Variants in LRRC4C observed in about 807,000 individuals in gnomAD.
The protein encoded by LRRC4C is leucine rich repeat containing 4C.
A neutral mutation model predicts 33.6 loss-of-function variants in LRRC4C; 5 were observed. The ratio of observed to expected loss-of-function variants is 0.15; its 90% CI spans 0.08 to 0.31. The LOEUF is 0.31. LRRC4C is among the 10% of genes least tolerant of loss of function. The probability of loss-of-function intolerance (pLI) is 1.00; values close to 1 mark genes in which losing one functional copy is unlikely to be tolerated. For missense variants in LRRC4C, 560 were observed against 796.7 expected (o/e 0.70, Z 3.58); for synonymous variants, 329 against 302.0 (o/e 1.09, Z -0.93).
At chr11:40,542,052 C>CTT (rs112421824) in intron 3 of LRRC4C, among the ~76,000 whole-genome samples, 28 of 149,376 alleles carry the variant, frequency 1.9e-4, no homozygotes, top group African/African-American at 6.1e-4. Context: ...TTCTCTTTCT[C>CTT]TCTTTCTTTC....
chr11:41,078,111 G>T (rs935362714), intron 1 of LRRC4C, among the ~76,000 whole-genome samples: 1 of 152,254 alleles, frequency 6.6e-6, no homozygotes, highest in African/African-American at 2.4e-5. Flanking sequence ...CCTCAGCCTG[G>T]ACTTTATTTT....
intron 3 of LRRC4C, chr11:40,351,475 C>T (rs1359650076): frequency 2.6e-5 from 4 of 152,038 alleles, no homozygotes; most frequent in African/African-American, 9.7e-5. Flanking sequence ...TCTGGACGAT[C>T]TGTCCAATAG....
At chr11:40,354,011 T>G (rs1290329616) in intron 3 of LRRC4C, among the ~76,000 whole-genome samples, 2 of 152,132 alleles carry the variant, frequency 1.3e-5, no homozygotes, top group Non-Finnish European at 2.9e-5. Context: ...TTCCAAGTAT[T>G]CAAAGGTACT....
At chr11:40,834,907 G>GACACACACACACACAC (rs778150169) in intron 2 of LRRC4C, among the ~76,000 whole-genome samples, 1 of 45,206 alleles carries the variant, frequency 2.2e-5, no homozygotes, top group African/African-American at 4.9e-5. Context: ...CAGACAGACA[G>GACACACACACACACAC]ACAGACACAC....
At chr11:40,862,744 C>T (rs944179407) in intron 2 of LRRC4C, among the ~76,000 whole-genome samples, 3 of 151,990 alleles carry the variant, frequency 2.0e-5, no homozygotes, top group Admixed American at 6.6e-5. Flanking sequence ...TCACCTAGAC[C>T]CACAATTTTA....
At chr11:40,328,217 C>A (rs540829628) in intron 3 of LRRC4C, among the ~76,000 whole-genome samples, 2 of 152,202 alleles carry the variant, frequency 1.3e-5, no homozygotes, top group South Asian at 4.1e-4. Flanking sequence ...GTATTTTTAT[C>A]TAAAGTGGAG....
chr11:40,506,005 T>C (rs149467774), intron 3 of LRRC4C, among the ~76,000 whole-genome samples: 2,710 of 152,268 alleles, frequency 0.018, 45 homozygotes, highest in South Asian at 0.034. Context: ...TAACATATTG[T>C]TACATAGTGA....
At chr11:40,521,652 T>C (rs1955818549) in intron 3 of LRRC4C, among the ~76,000 whole-genome samples, 1 of 151,980 alleles carries the variant, frequency 6.6e-6, no homozygotes, top group East Asian at 1.9e-4. Context: ...GGGTGGATCA[T>C]GAGGTCAAGA....
chr11:41,037,988 G>A (rs986103283), intron 1 of LRRC4C, among the ~76,000 whole-genome samples: 2 of 152,172 alleles, frequency 1.3e-5, no homozygotes, highest in African/African-American at 2.4e-5. Flanking sequence ...CAACACTGAC[G>A]AAAACGTCCA....
At chr11:40,653,486 C>A (rs1427443530) in intron 2 of LRRC4C, among the ~76,000 whole-genome samples, 1 of 152,120 alleles carries the variant, frequency 6.6e-6, no homozygotes, top group East Asian at 1.9e-4. Flanking sequence ...GAACTTTGAA[C>A]TTGAGAGAGA....
At chr11:40,499,609 T>C (rs1954642050) in intron 3 of LRRC4C, among the ~76,000 whole-genome samples, 1 of 152,188 alleles carries the variant, frequency 6.6e-6, no homozygotes, top group South Asian at 2.1e-4. Flanking sequence ...AATCAATGTA[T>C]TGATGATTAT....
At chr11:40,949,045 T>G (rs1958564968) in intron 1 of LRRC4C, among the ~76,000 whole-genome samples, 1 of 152,132 alleles carries the variant, frequency 6.6e-6, no homozygotes, top group Admixed American at 6.6e-5. Flanking sequence ...TCCTGACTTT[T>G]TAATGATTGC....
chr11:40,674,023 A>G lies in LRRC4C; in HGVS notation c.-406-25745T>C, dbSNP rs74567239. Among the ~76,000 whole-genome samples the G allele has an allele frequency of 6.9e-3, 1,055 of 152,292 alleles. 15 individuals are homozygous for G. Among genetic ancestry groups the G allele is most frequent in the African/African-American group, 0.025 (1,025 of 41,566 alleles). On this transcript the variant is annotated intron_variant, in intron 2 of 6. Transcript: ENST00000528697. ...GCTCAGTCATCATCTAGGCTGCCAT[A>G]AGGCATTACCCCAGCATATCTCTGG...
At chr11:41,335,995 A>G (rs1290040097) in intron 1 of LRRC4C, among the ~76,000 whole-genome samples, 3 of 152,304 alleles carry the variant, frequency 2.0e-5, no homozygotes, top group South Asian at 2.1e-4. Flanking sequence ...AGACCCATTT[A>G]TTTATGGAGC....
chr11:40,382,769 C>T (rs1948941185), intron 3 of LRRC4C, among the ~76,000 whole-genome samples: 1 of 141,128 alleles, frequency 7.1e-6, no homozygotes, highest in South Asian at 2.3e-4. Context: ...TCTCCGCTCA[C>T]TGCAAGCTCC....
intron 2 of LRRC4C, among the ~76,000 whole-genome samples, chr11:40,771,309 T>G (rs1212384725): frequency 6.6e-6 from 1 of 152,170 alleles, no homozygotes; most frequent in Non-Finnish European, 1.5e-5. Flanking sequence ...TTGGCCCATT[T>G]TAGCCATGGC....
chr11:41,117,967 A>G (rs1487079), intron 1 of LRRC4C, among the ~76,000 whole-genome samples: 142,092 of 152,138 alleles, frequency 0.93, 67,153 homozygotes, highest in East Asian at 1. Flanking sequence ...GTAAAGGTGA[A>G]CATTTAAATG....
chr11:40,495,813 G>GTTTTTTTTTTTTTTTTTTTTT lies in LRRC4C; in HGVS notation c.-270+152308_-270+152328dup, dbSNP rs77683172. ...TTTTATTGAAGTTCTCAATAAACAT[G>GTTTTTTTTTTTTTTTTTTTTT]TTTTTTTTTTTTTTTTTTTTTTTTT... On this transcript the variant is annotated intron_variant, in intron 3 of 6. Coordinates refer to ENST00000528697, the MANE Select transcript of LRRC4C (RefSeq NM_001258419.2). 9.0e-5 allele frequency among the ~76,000 whole-genome samples: 6 copies of GTTTTTTTTTTTTTTTTTTTTT among 67,012 alleles called. 1 individual carries two copies. The highest frequency in any genetic ancestry group is 1.3e-4 in the African/African-American group (2 of 15,812). 44.0% of individuals were successfully genotyped at this position (67,012 alleles called of 152,430 possible). A position where few individuals can be genotyped will look rare whatever the true frequency, so the allele number is the denominator to read the frequency against.
chr11:41,437,425 G>GCACA (rs58445388), intron 1 of LRRC4C, among the ~76,000 whole-genome samples: 31 of 149,264 alleles, frequency 2.1e-4, no homozygotes, highest in East Asian at 4.0e-4. Context: ...GCGCGCGCGC[G>GCACA]CACACACACA....
Sources: gnomAD v4.1 joint callset for allele counts (sites outside exome capture counted in the v4.1 genomes callset) on GRCh38, gnomAD v4.1.1 for gene constraint, MANE v1.5 for transcripts, NCBI Gene and HGNC (gene_info 2026-07-23, HGNC 2026-07-21) for gene names.